Variants in RAF1 observed in about 807,000 individuals in gnomAD.
RAF1 encodes Raf-1 proto-oncogene, serine/threonine kinase, also known as RAF proto-oncogene serine/threonine-protein kinase.
In RAF1, 27 loss-of-function variants were observed where a neutral mutation model predicts 81.1. That is an observed-to-expected ratio of 0.33 (90% confidence interval 0.25 to 0.46). The LOEUF (loss-of-function observed/expected upper bound fraction) is 0.46. RAF1 is among the 20% of genes least tolerant of loss of function. RAF1 has a pLI of 1.00. For missense variants in RAF1, 598 were observed against 826.0 expected (o/e 0.72, Z 3.38); for synonymous variants, 298 against 294.0 (o/e 1.01, Z -0.14).
intron 2 of RAF1, among the ~76,000 whole-genome samples, chr3:12,615,207 C>G (rs1553615962): frequency 3.9e-5 from 6 of 152,168 alleles, no homozygotes; most frequent in Non-Finnish European, 8.8e-5. Context: ...GTCCTCGGCT[C>G]CAGTCAATCA....
At chr3:12,608,697 A>T (rs2059115214) in intron 5 of RAF1, 69 bp downstream of exon 5, 2 of 1,541,688 alleles carry the variant, frequency 1.3e-6, no homozygotes, top group Non-Finnish European at 1.8e-6. Flanking sequence ...CAAAATCTAC[A>T]ACAAATACCC....
intron 2 of RAF1, among the ~76,000 whole-genome samples, chr3:12,613,650 T>A (rs73812836): frequency 6.6e-6 from 1 of 151,990 alleles, no homozygotes; most frequent in African/African-American, 2.4e-5. Context: ...GCCCTTCTAG[T>A]TACCAGGCTC....
intron 13 of RAF1, chr3:12,589,405 AGT>A (rs1241016713): frequency 1.3e-5 from 2 of 152,208 alleles, no homozygotes; most frequent in Non-Finnish European, 2.9e-5. Flanking sequence ...TTTTAAAGAC[AGT>A]GTGAGAATTT....
chr3:12,618,077 A>G (rs1333175023), intron 2 of RAF1, among the ~76,000 whole-genome samples: 1 of 152,130 alleles, frequency 6.6e-6, no homozygotes, highest in Non-Finnish European at 1.5e-5. Flanking sequence ...TCCTGGGCCT[A>G]TGAAATATAC....
chr3:12,592,014 GCAA>G, intron 11 of RAF1: 1 of 580,010 alleles, frequency 1.7e-6, no homozygotes, highest in South Asian at 2.0e-5. Flanking sequence ...CAGGGCTTAA[GCAA>G]TCCTCCCACC....
intron 1 of RAF1, among the ~76,000 whole-genome samples, chr3:12,623,543 A>C (rs2059609574): frequency 6.6e-6 from 1 of 151,892 alleles, no homozygotes; most frequent in South Asian, 2.1e-4. Flanking sequence ...CACGCCTGTA[A>C]TCCCAGCACT....
At chr3:12,612,126 C>G (rs886222724) in intron 2 of RAF1, 64 bp from the exon 3 acceptor site, 1 of 1,293,752 alleles carries the variant, frequency 7.7e-7, no homozygotes, top group Admixed American at 1.7e-5. Flanking sequence ...AAGGTGGGCA[C>G]AGAAATAAAT....
chr3:12,659,305 G>A (rs1464465498), intron 1 of RAF1, among the ~76,000 whole-genome samples: 2 of 151,302 alleles, frequency 1.3e-5, no homozygotes, highest in Non-Finnish European at 2.9e-5. Context: ...GCCGGCGCCT[G>A]TAATCCCAGC....
At chr3:12,605,250 A>ATGTGTGTGTGTGTGTGTGTG (rs139616156) in intron 6 of RAF1, among the ~76,000 whole-genome samples, 1,610 of 144,588 alleles carry the variant, frequency 0.011, 17 homozygotes, top group Non-Finnish European at 0.016. Context: ...ATTACACATT[A>ATGTGTGTGTGTGTGTGTGTG]TGTGTGTGTG....
In RAF1 at chr3:12,632,705, G is replaced by A. The variant is rs140887708; in HGVS notation, c.-26-13958C>T. ...TCTCTGAAACTCTTCTGAAATTCTTGAAACTCTCTAAAACTCAGTCCCAGG... is the reference window on the plus strand; with the variant it reads ...TCTCTGAAACTCTTCTGAAATTCTTAAAACTCTCTAAAACTCAGTCCCAGG... On this transcript the variant is annotated intron_variant, in intron 1 of 17. Coordinates refer to ENST00000442415, the MANE Select transcript of RAF1 (RefSeq NM_001354689.3). 5.9e-5 allele frequency among the ~76,000 whole-genome samples: 9 copies of A among 152,246 alleles called. No individual in the cohort carries two copies. The South Asian group carries it at 1.9e-3, about 32-fold the overall frequency.
intron 11 of RAF1, among the ~76,000 whole-genome samples, chr3:12,598,725 CAAAAAA>C (rs59472802): frequency 2.8e-3 from 174 of 61,974 alleles, no homozygotes; most frequent in South Asian, 0.014. Flanking sequence ...GAATCTATCT[CAAAAAA>C]AAAAAAAAAA....
Position 12,603,491 on chromosome 3 carries a change from C to A in RAF1, c.881G>T (p.Cys294Phe), listed in dbSNP as rs1228100356. ...AAAAATACCTACTCTTCCCCTCAAA[C>A]AAAATCGTCTGGACCACGCCCTGGG... The change falls in exon 8 of 18, where the codon TGT becomes TTT. Residue 294 changes from cysteine to phenylalanine, a missense_variant. Cys to Phe is a radical substitution (Grantham distance 205). Transcript: ENST00000442415. 1 of 699,404 alleles carries A rather than the reference C, an allele frequency of 1.4e-6. No homozygotes were observed. Among genetic ancestry groups the A allele is most frequent in the East Asian group, 2.7e-5 (1 of 37,268 alleles). 43.3% of individuals were successfully genotyped at this position (699,404 alleles called of 1,614,324 possible).
At chr3:12,643,659 C>T (rs1309304230) in intron 1 of RAF1, among the ~76,000 whole-genome samples, 1 of 151,910 alleles carries the variant, frequency 6.6e-6, no homozygotes, top group Non-Finnish European at 1.5e-5. Flanking sequence ...TCGCTTGAAC[C>T]CGGAAGGCAG....
chr3:12,614,730 T>G (rs946003543), intron 2 of RAF1, among the ~76,000 whole-genome samples: 1 of 152,074 alleles, frequency 6.6e-6, no homozygotes, highest in African/African-American at 2.4e-5. Context: ...CCAGCCTGTA[T>G]ATATTTTTTA....
chr3:12,655,385 C>T (rs1559493165), intron 1 of RAF1, among the ~76,000 whole-genome samples: 1 of 152,044 alleles, frequency 6.6e-6, no homozygotes. Context: ...CGTGCCCAGC[C>T]CAAGATTGTT....
At chr3:12,593,919 A>C (rs1414705874) in intron 11 of RAF1, among the ~76,000 whole-genome samples, 1 of 151,892 alleles carries the variant, frequency 6.6e-6, no homozygotes, top group Admixed American at 6.6e-5. Context: ...TGCCTAAGTA[A>C]ATCTCTTTTC....
intron 1 of RAF1, among the ~76,000 whole-genome samples, chr3:12,646,988 A>C (rs1422528811): frequency 6.7e-6 from 1 of 149,578 alleles, no homozygotes; most frequent in East Asian, 2.1e-4. Context: ...CCTGGTTTTT[A>C]AAGTCATTAT....
chr3:12,619,105 C>T (rs904092167), intron 1 of RAF1, among the ~76,000 whole-genome samples: 10 of 151,840 alleles, frequency 6.6e-5, no homozygotes, highest in Non-Finnish European at 1.5e-4. Flanking sequence ...ATTAGCCGGG[C>T]GTGGTGGCGG....
chr3:12,627,489 C>T (rs1379368951), intron 1 of RAF1, among the ~76,000 whole-genome samples: 2 of 152,106 alleles, frequency 1.3e-5, no homozygotes, highest in African/African-American at 4.8e-5. Context: ...TACCAGGGGA[C>T]GTTTTAGGAT....
Sources: gnomAD v4.1 joint callset for allele counts (sites outside exome capture counted in the v4.1 genomes callset) on GRCh38, gnomAD v4.1.1 for gene constraint, MANE v1.5 for transcripts, NCBI Gene and HGNC (gene_info 2026-07-23, HGNC 2026-07-21) for gene names.